CAST: variants seen among roughly 807,000 people sequenced by gnomAD.
CAST encodes calpastatin.
In CAST, 76 loss-of-function variants were observed where a neutral mutation model predicts 119.6. That is an observed-to-expected ratio of 0.64 (90% CI 0.53 to 0.77). The LOEUF (loss-of-function observed/expected upper bound fraction) is 0.77. Among genes scored for constraint, CAST ranks in the 30% least tolerant of loss-of-function variants. CAST has a pLI of 0.00. For missense variants in CAST, 953 were observed against 946.5 expected, an observed-to-expected ratio of 1.01 and a Z score of -0.09; for synonymous variants, 319 against 331.6, an observed-to-expected ratio of 0.96 and a Z score of 0.41.
chr5:96,342,851 A>C, the CAST span, among the ~76,000 whole-genome samples: 1 of 152,172 alleles, frequency 6.6e-6, no homozygotes, highest in Non-Finnish European at 1.5e-5. Context: ...ACTTGTTCAT[A>C]GTATCATTGC....
At chr5:96,363,836 C>T in the CAST span, among the ~76,000 whole-genome samples, 7 of 152,202 alleles carry the variant, frequency 4.6e-5, no homozygotes, top group Admixed American at 3.9e-4. Context: ...TTCAATTAGG[C>T]CTGATTGCCC....
intron 1 of CAST, among the ~76,000 whole-genome samples, chr5:96,557,912 GCAC>G (rs2150183765): frequency 6.6e-6 from 1 of 152,254 alleles, no homozygotes; most frequent in South Asian, 2.1e-4. Context: ...ATTCTTTTCA[GCAC>G]CACACCACAC....
the CAST span, among the ~76,000 whole-genome samples, chr5:96,148,460 T>C: frequency 1.3e-5 from 2 of 152,192 alleles, no homozygotes; most frequent in Admixed American, 1.3e-4. Flanking sequence ...TTCACCACAA[T>C]TATTCGGTAG....
the CAST span, chr5:95,961,596 G>A: frequency 6.2e-7 from 1 of 1,603,776 alleles, no homozygotes; most frequent in Admixed American, 1.7e-5. Flanking sequence ...GGTAAGTCTC[G>A]AGCGCCCGGA....
intron 1 of CAST, among the ~76,000 whole-genome samples, chr5:96,625,145 C>T (rs1215780070): frequency 6.6e-6 from 1 of 152,142 alleles, no homozygotes; most frequent in East Asian, 1.9e-4. Context: ...CAGTACACTG[C>T]AAAGATCATT....
chr5:96,170,660 C>T, the CAST span, among the ~76,000 whole-genome samples: 4 of 152,114 alleles, frequency 2.6e-5, no homozygotes, highest in African/African-American at 7.2e-5. Flanking sequence ...GGCTGTAAAG[C>T]GTCTCAGGGT....
Position 96,762,257 on chromosome 5 carries a change from ATTT to A in CAST, c.1834-12_1834-10del. 1 of 1,575,410 alleles carries A rather than the reference ATTT, an allele frequency of 6.3e-7. No individual in the cohort carries two copies. The highest frequency in any genetic ancestry group is 8.7e-7 in the Non-Finnish European group (1 of 1,155,270). On this transcript the variant is annotated splice_polypyrimidine_tract_variant and intron_variant, in intron 24 of 31. Coordinates refer to ENST00000675179, the MANE Select transcript of CAST (RefSeq NM_001750.7). ...TTATATACAACATGTTACTAATAAA[ATTT>A]TTTTCAATAAAAGAAATTTGAAGAT...
chr5:96,229,522 G>T, the CAST span, among the ~76,000 whole-genome samples: 4 of 152,078 alleles, frequency 2.6e-5, no homozygotes, highest in African/African-American at 9.7e-5. Flanking sequence ...TTAAACAGTG[G>T]TATCTTCCTG....
chr5:96,372,843 A>G, the CAST span, among the ~76,000 whole-genome samples: 2 of 152,152 alleles, frequency 1.3e-5, no homozygotes, highest in Non-Finnish European at 2.9e-5. Context: ...TGAAAAGGAC[A>G]TCTTTTGCAT....
At chr5:96,670,775 C>T (rs201629883) in intron 1 of CAST, among the ~76,000 whole-genome samples, 2 of 152,208 alleles carry the variant, frequency 1.3e-5, no homozygotes, top group Admixed American at 6.5e-5. Flanking sequence ...GGATTACAGG[C>T]GTGAGCCACT....
the CAST span, among the ~76,000 whole-genome samples, chr5:96,458,330 A>G: frequency 6.6e-6 from 1 of 152,204 alleles, no homozygotes; most frequent in African/African-American, 2.4e-5. Flanking sequence ...TGCAAAAGAT[A>G]CCGTATGGCC....
At chr5:96,219,649 C>A in the CAST span, among the ~76,000 whole-genome samples, 1 of 150,426 alleles carries the variant, frequency 6.6e-6, no homozygotes, top group Admixed American at 6.6e-5. Context: ...CTGGCCTGGG[C>A]AACAAAGTGC....
chr5:96,754,363 T>C (rs1765820639), intron 21 of CAST, among the ~76,000 whole-genome samples: 1 of 152,212 alleles, frequency 6.6e-6, no homozygotes, highest in Admixed American at 6.5e-5. Context: ...ATGGTCGACA[T>C]GCACAGACCG....
At chr5:95,967,406 G>T in the CAST span, among the ~76,000 whole-genome samples, 1 of 36,732 alleles carries the variant, frequency 2.7e-5, no homozygotes, top group African/African-American at 1.3e-4. Context: ...AATGTAGTGA[G>T]ACCCTATCTT....
At chr5:96,527,493 C>T (rs189116193), upstream of CAST, among the ~76,000 whole-genome samples, 14 of 152,174 alleles carry the variant, frequency 9.2e-5, no homozygotes, top group East Asian at 2.7e-3. Context: ...GAATTTGTCC[C>T]TTCCCTTTGC....
the CAST span, among the ~76,000 whole-genome samples, chr5:96,082,065 T>C: frequency 6.6e-6 from 1 of 152,002 alleles, no homozygotes; most frequent in Non-Finnish European, 1.5e-5. Context: ...AGGCGCACGC[T>C]ACCACACCTG....
the CAST span, among the ~76,000 whole-genome samples, chr5:95,988,350 A>G: frequency 3.9e-5 from 6 of 152,060 alleles, no homozygotes; most frequent in Non-Finnish European, 7.4e-5. Flanking sequence ...CACAGGCAGT[A>G]TACAATGAAG....
upstream of CAST, among the ~76,000 whole-genome samples, chr5:96,659,198 A>C (rs1007349650): frequency 2.0e-5 from 3 of 152,230 alleles, no homozygotes; most frequent in Non-Finnish European, 4.4e-5. Context: ...AAAAAGGTTG[A>C]GGTGTTGCAA....
At chr5:96,391,851 A>T in the CAST span, 1 of 152,172 alleles carries the variant, frequency 6.6e-6, no homozygotes, top group Non-Finnish European at 1.5e-5. Flanking sequence ...AACAAAATCT[A>T]CCTGAGGGAC....
Sources: gnomAD v4.1 joint callset for allele counts (sites outside exome capture counted in the v4.1 genomes callset) on GRCh38, gnomAD v4.1.1 for gene constraint, MANE v1.5 for transcripts, NCBI Gene and HGNC (gene_info 2026-07-23, HGNC 2026-07-21) for gene names.